Variants in CTNNA2 observed in about 807,000 individuals in gnomAD.
The protein encoded by CTNNA2 is catenin alpha 2.
Under a neutral mutation model 101.0 loss-of-function variants are expected in CTNNA2, and 42 were observed. The ratio of observed to expected loss-of-function variants is 0.42; its 90% CI spans 0.32 to 0.54. CTNNA2 has a LOEUF of 0.54. Among genes scored for constraint, CTNNA2 ranks in the 20% least tolerant of loss-of-function variants. The pLI is 0.14. For synonymous variants in CTNNA2, 450 were observed against 456.4 expected, an observed-to-expected ratio of 0.99 and a Z score of 0.18; for missense variants, 871 against 1,223.1, an observed-to-expected ratio of 0.71 and a Z score of 4.29.
At chr2:80,307,068 A>T (rs1677098542) in intron 7 of CTNNA2, among the ~76,000 whole-genome samples, 1 of 148,632 alleles carries the variant, frequency 6.7e-6, no homozygotes, top group African/African-American at 2.4e-5. Flanking sequence ...TTATATATAA[A>T]TATATATTTT....
At chr2:80,236,694 G>T (rs970288307) in intron 7 of CTNNA2, among the ~76,000 whole-genome samples, 3 of 152,282 alleles carry the variant, frequency 2.0e-5, no homozygotes, top group Middle Eastern at 6.8e-3. Flanking sequence ...TTGCACAAGT[G>T]AACTTGAACT....
intron 7 of CTNNA2, among the ~76,000 whole-genome samples, chr2:80,243,249 C>G (rs567551381): frequency 2.6e-5 from 4 of 152,056 alleles, no homozygotes; most frequent in South Asian, 4.2e-4. Flanking sequence ...TTTTTCACAT[C>G]TTTTGTAAAA....
At chr2:80,399,991 T>G (rs1033164501) in intron 8 of CTNNA2, among the ~76,000 whole-genome samples, 1 of 152,196 alleles carries the variant, frequency 6.6e-6, no homozygotes, top group Non-Finnish European at 1.5e-5. Flanking sequence ...TGTTGGAGGC[T>G]GTGTTTAGAC....
At chr2:80,251,456 C>T (rs13385208) in intron 7 of CTNNA2, among the ~76,000 whole-genome samples, 14,446 of 152,038 alleles carry the variant, frequency 0.095, 1,501 homozygotes, top group African/African-American at 0.26. Context: ...GAAATCCATA[C>T]GAAGAGGGGG....
At chr2:80,284,847 C>T (rs1475590265) in intron 7 of CTNNA2, among the ~76,000 whole-genome samples, 2 of 152,044 alleles carry the variant, frequency 1.3e-5, no homozygotes, top group Non-Finnish European at 2.9e-5. Flanking sequence ...ATTCACTTTC[C>T]AATGGTTGAA....
At chr2:80,080,028 G>A (rs574866975) in intron 7 of CTNNA2, among the ~76,000 whole-genome samples, 6 of 152,168 alleles carry the variant, frequency 3.9e-5, no homozygotes, top group Admixed American at 6.5e-5. Context: ...AGCCTTGCAC[G>A]TCAATGGGCC....
intron 9 of CTNNA2, among the ~76,000 whole-genome samples, chr2:80,427,552 G>C (rs747461214): frequency 1.1e-4 from 16 of 152,190 alleles, no homozygotes; most frequent in Non-Finnish European, 2.1e-4. Flanking sequence ...TGAAGCCATA[G>C]CAATGATGAG....
chr2:80,173,753 G>A (rs1464970452), intron 7 of CTNNA2, among the ~76,000 whole-genome samples: 2 of 152,108 alleles, frequency 1.3e-5, no homozygotes, highest in African/African-American at 2.4e-5. Context: ...GGTGCATGGC[G>A]TCTGCATCAG....
intron 7 of CTNNA2, among the ~76,000 whole-genome samples, chr2:79,945,666 G>A (rs1383189054): frequency 1.3e-5 from 2 of 152,098 alleles, no homozygotes; most frequent in Non-Finnish European, 2.9e-5. Context: ...ATTTACTTCT[G>A]TATCTGCCAT....
intron 7 of CTNNA2, among the ~76,000 whole-genome samples, chr2:80,106,175 C>T (rs1236433793): frequency 6.6e-6 from 1 of 152,110 alleles, no homozygotes; most frequent in African/African-American, 2.4e-5. Flanking sequence ...AGCCACTGAT[C>T]GTGCCTCTAC....
chr2:79,507,101 T>C (rs983291787), intron 5 of CTNNA2, among the ~76,000 whole-genome samples: 1 of 152,176 alleles, frequency 6.6e-6, no homozygotes, highest in Non-Finnish European at 1.5e-5. Context: ...AATTCAGCAA[T>C]TGACTAGTTT....
Position 80,303,850 on chromosome 2 carries a change from A to C in CTNNA2, c.1057-89361A>C, listed in dbSNP as rs762582496. ...AGAATCTTTCCAGAGAGACTGGAGA[A>C]TGTCCATTGGAAGCGCTCGGTCAGA... On this transcript the variant is annotated intron_variant, in intron 7 of 18. Transcript: ENST00000402739. This position sits in a 1 kb window ranked among gnomAD's most constrained non-coding sequence, Gnocchi z 7.7. 2 of 1,488,654 alleles carry C rather than the reference A, an allele frequency of 1.3e-6. No homozygotes were observed. Among genetic ancestry groups the C allele is most frequent in the Non-Finnish European group, 1.8e-6 (2 of 1,118,424 alleles). 92.2% of individuals were successfully genotyped at this position (1,488,654 alleles called of 1,614,324 possible).
chr2:80,583,918 C>A lies in CTNNA2; in HGVS notation c.2007+2099C>A, dbSNP rs188231502. Among the ~76,000 whole-genome samples, 3 of 152,176 alleles carry A rather than the reference C, an allele frequency of 2.0e-5. No individual in the cohort carries two copies. In the East Asian group the frequency reaches 5.8e-4, roughly 29 times the overall value. On this transcript the variant is annotated intron_variant, in intron 14 of 18. Coordinates refer to ENST00000402739, the MANE Select transcript of CTNNA2 (RefSeq NM_001282597.3). ...TCCAAGATAGTAAGAACAGAGCACT[C>A]CTACAAATTCAGCACTTGCTCATTT...
intron 3 of CTNNA2, among the ~76,000 whole-genome samples, chr2:79,346,859 A>G (rs1356690090): frequency 4.6e-5 from 7 of 152,198 alleles, no homozygotes; most frequent in African/African-American, 1.7e-4. Flanking sequence ...CCAAATTTGC[A>G]TAAAGTCCTG....
intron 1 of CTNNA2, among the ~76,000 whole-genome samples, chr2:79,565,398 C>T (rs1675048062): frequency 6.6e-6 from 1 of 152,020 alleles, no homozygotes; most frequent in Non-Finnish European, 1.5e-5. Flanking sequence ...GAGGCCCCAC[C>T]CCAGTGCACA....
intron 7 of CTNNA2, among the ~76,000 whole-genome samples, chr2:80,020,142 A>G (rs1694450726): frequency 6.6e-6 from 1 of 152,224 alleles, no homozygotes; most frequent in South Asian, 2.1e-4. Context: ...AGCTTATGCA[A>G]CACTTTGCAA....
chr2:80,527,214 A>C (rs1014174123), intron 9 of CTNNA2, among the ~76,000 whole-genome samples: 5 of 152,254 alleles, frequency 3.3e-5, no homozygotes, highest in African/African-American at 1.2e-4. Flanking sequence ...AAGTGATGAC[A>C]TGAGGATAAT....
intron 9 of CTNNA2, among the ~76,000 whole-genome samples, chr2:80,522,793 G>A (rs897087757): frequency 9.9e-5 from 15 of 152,078 alleles, no homozygotes; most frequent in African/African-American, 3.4e-4. Flanking sequence ...GCAGAGGCCC[G>A]TACAGCCTGC....
At chr2:79,582,969 A>G (rs1676242076) in intron 1 of CTNNA2, among the ~76,000 whole-genome samples, 1 of 152,100 alleles carries the variant, frequency 6.6e-6, no homozygotes, top group African/African-American at 2.4e-5. Flanking sequence ...GAATATGATA[A>G]AAATGGAGTC....
Sources: gnomAD v4.1 joint callset for allele counts (sites outside exome capture counted in the v4.1 genomes callset) on GRCh38, gnomAD v4.1.1 for gene constraint, Gnocchi (gnomAD v3.1) non-coding constraint, MANE v1.5 for transcripts, NCBI Gene and HGNC (gene_info 2026-07-23, HGNC 2026-07-21) for gene names.